Variants in HECTD4 observed in about 807,000 individuals in gnomAD.
The protein encoded by HECTD4 is probable E3 ubiquitin-protein ligase HECTD4.
HECTD4 carries 114 observed loss-of-function variants against 471.5 expected under a neutral mutation model. That is an observed-to-expected ratio of 0.24 (90% CI 0.21 to 0.28). The LOEUF is 0.28. HECTD4 is among the 10% of genes least tolerant of loss of function. The pLI, the probability that HECTD4 is intolerant of heterozygous loss-of-function variation, is 1.00. For synonymous variants in HECTD4, 2,012 were observed against 2,256.0 expected (o/e 0.89, Z 3.07); for missense variants, 3,866 against 5,651.5 (o/e 0.68, Z 10.13).
At chr12:112,191,980 T>C (rs2032094801) in intron 59 of HECTD4, among the ~76,000 whole-genome samples, 1 of 152,222 alleles carries the variant, frequency 6.6e-6, no homozygotes, top group South Asian at 2.1e-4. Flanking sequence ...TCCTTTCTTT[T>C]CTGTGCATAC....
chr12:112,196,013 G>A (rs941646008), intron 55 of HECTD4, among the ~76,000 whole-genome samples: 2 of 152,014 alleles, frequency 1.3e-5, no homozygotes, highest in Non-Finnish European at 2.9e-5. Flanking sequence ...AATAGAAATC[G>A]CCCTGTAGTC....
chr12:112,271,113 C>T (rs2034404578), intron 11 of HECTD4, among the ~76,000 whole-genome samples: 1 of 152,158 alleles, frequency 6.6e-6, no homozygotes, highest in Non-Finnish European at 1.5e-5. Flanking sequence ...AATTTACATT[C>T]CATAAAACTC....
chr12:112,329,061 C>G (rs1168413184), intron 1 of HECTD4, among the ~76,000 whole-genome samples: 1 of 152,134 alleles, frequency 6.6e-6, no homozygotes, highest in East Asian at 1.9e-4. Context: ...TTGTTGTGGC[C>G]CCTGCCCAGT....
At chr12:112,165,914 T>A (rs148207762) in intron 72 of HECTD4, among the ~76,000 whole-genome samples, 3 of 152,322 alleles carry the variant, frequency 2.0e-5, no homozygotes, top group Non-Finnish European at 4.4e-5. Context: ...CATTCGGGTC[T>A]AAGCCTGGAG....
At chr12:112,172,166 G>T (rs555319874) in intron 67 of HECTD4, among the ~76,000 whole-genome samples, 2 of 152,188 alleles carry the variant, frequency 1.3e-5, no homozygotes, top group Non-Finnish European at 2.9e-5. Flanking sequence ...GCCTCTCAAA[G>T]TGCTGGGATT....
chr12:112,170,572 C>G, intron 68 of HECTD4, 120 bp from the exon 69 acceptor site: 2 of 1,339,446 alleles, frequency 1.5e-6, no homozygotes, highest in Admixed American at 4.1e-5. Flanking sequence ...GGCAGTAGAG[C>G]CGGGCCCTGA....
At chr12:112,304,238 ATTTTTTT>A (rs760947859) in intron 7 of HECTD4, among the ~76,000 whole-genome samples, 5 of 104,380 alleles carry the variant, frequency 4.8e-5, no homozygotes, top group South Asian at 3.3e-4. Context: ...TAAAGACCTA[ATTTTTTT>A]TTTTTTTTTT....
At position 112,162,845 on chromosome 12, in the gene HECTD4, T is replaced by C; in HGVS notation, c.13120+197A>G. On this transcript the variant is annotated intron_variant, in intron 75 of 75. Coordinates refer to ENST00000682272, the MANE Select transcript of HECTD4 (RefSeq NM_001388303.1). This position sits in a 1 kb window ranked among gnomAD's most constrained non-coding sequence, Gnocchi z 5.2. ...AGCATTCTGGATTTTCAGCTTCTTTTAAGATATGAGAAAGTATCTAACAGC... is the reference window on the plus strand; with the variant it reads ...AGCATTCTGGATTTTCAGCTTCTTTCAAGATATGAGAAAGTATCTAACAGC... 1.8e-6 allele frequency: 1 copy of C among 566,862 alleles called. No individual in the cohort carries two copies. The highest frequency in any genetic ancestry group is 2.9e-5 in the East Asian group (1 of 34,602). 35.1% of individuals were successfully genotyped at this position (566,862 alleles called of 1,614,324 possible). A position where few individuals can be genotyped will look rare whatever the true frequency, so the allele number is the denominator to read the frequency against.
intron 1 of HECTD4, among the ~76,000 whole-genome samples, chr12:112,331,047 G>T (rs1272262107): frequency 6.6e-6 from 1 of 151,960 alleles, no homozygotes; most frequent in Non-Finnish European, 1.5e-5. Flanking sequence ...CCTAGGCATC[G>T]GTTTTTTTGT....
rs1291509675 is a variant in HECTD4 at position 112,319,535 on chromosome 12, G to A, written c.385C>T (p.Arg129Cys). Residue 129 changes from arginine (R) to cysteine (C), a missense_variant, in exon 2 of 76, where the codon CGC (arginine) becomes TGC (cysteine). Coordinates refer to ENST00000682272, the MANE Select transcript of HECTD4 (RefSeq NM_001388303.1). This position sits in a 1 kb window ranked among gnomAD's most constrained non-coding sequence, Gnocchi z 5.3. ...GDEETLALLK[R>C]QGLLQQPEQA... ...TCAGGTTGCTGCAACAAGCCCTGGC[G>A]TTTGAGCAGGGCCAAAGTTTCCTCA... 17 of 1,451,954 alleles carry A rather than the reference G, an allele frequency of 1.2e-5. No individual in the cohort carries two copies. The highest frequency in any genetic ancestry group is 5.2e-5 in the Admixed American group (2 of 38,164). 89.9% of individuals were successfully genotyped at this position (1,451,954 alleles called of 1,614,324 possible).
chr12:112,168,480 T>G (rs1304823835), intron 70 of HECTD4, among the ~76,000 whole-genome samples: 1 of 152,232 alleles, frequency 6.6e-6, no homozygotes, highest in African/African-American at 2.4e-5. Context: ...GGTTTTGTTG[T>G]AAATCTCCTC....
intron 60 of HECTD4, among the ~76,000 whole-genome samples, chr12:112,186,648 A>C (rs1391247167): frequency 7.0e-6 from 1 of 142,608 alleles, no homozygotes; most frequent in Non-Finnish European, 1.5e-5. Context: ...CTTCTTTAGT[A>C]ATTTTTTAAG....
chr12:112,329,168 C>G (rs1156321104), intron 1 of HECTD4, among the ~76,000 whole-genome samples: 1 of 152,120 alleles, frequency 6.6e-6, no homozygotes, highest in Non-Finnish European at 1.5e-5. Flanking sequence ...TAAATCCTAC[C>G]TTTCAAAATT....
At chr12:112,231,002 C>G (rs1264734149) in intron 39 of HECTD4, 180 bp from the exon 40 acceptor site, 1 of 593,178 alleles carries the variant, frequency 1.7e-6, no homozygotes. Context: ...GTGTCATATT[C>G]TTTGTGGTAT....
intron 1 of HECTD4, among the ~76,000 whole-genome samples, chr12:112,341,394 T>C (rs2036052094): frequency 6.6e-6 from 1 of 152,198 alleles, no homozygotes; most frequent in South Asian, 2.1e-4. Flanking sequence ...GGTTTGTAAC[T>C]GTTTGGCTGA....
At chr12:112,226,802 C>A in intron 43 of HECTD4, 44 bp from the exon 44 acceptor site, 2 of 1,425,292 alleles carry the variant, frequency 1.4e-6, no homozygotes, top group South Asian at 1.3e-5. Flanking sequence ...CATCAGTGTT[C>A]ATTGTCTAAA....
intron 60 of HECTD4, among the ~76,000 whole-genome samples, chr12:112,189,550 C>CAAAAAAAAAAAAAAAA (rs57209316): frequency 1.3e-4 from 4 of 30,464 alleles, no homozygotes; most frequent in Admixed American, 3.7e-4. Context: ...GACTCCGTCT[C>CAAAAAAAAAAAAAAAA]AAAAAAAAAA....
chr12:112,184,266 A>C lies in HECTD4; in HGVS notation c.10700T>G (p.Met3567Arg). 1 of 1,613,574 alleles carries C rather than the reference A, an allele frequency of 6.2e-7. No individual in the cohort carries two copies. Among genetic ancestry groups the C allele is most frequent in the Non-Finnish European group, 8.5e-7 (1 of 1,179,880 alleles). Residue 3567 changes from methionine to arginine, a missense_variant, in exon 61 of 76, where the codon ATG (methionine) becomes AGG (arginine). Coordinates refer to ENST00000682272, the MANE Select transcript of HECTD4 (RefSeq NM_001388303.1). The surrounding 1 kb of genome is among the most constrained non-coding windows in gnomAD (Gnocchi z 9.1). ...DNAETASVSD[M>R]GSMYTVTSLD... is the part of the protein sequence containing the mutation. ...GGAAGTGACTGTGTACATGGAGCCC[A>C]TGTCCGACACCGAGGCCGTCTCTGC...
At chr12:112,302,889 C>T (rs554331036) in intron 7 of HECTD4, among the ~76,000 whole-genome samples, 2 of 151,942 alleles carry the variant, frequency 1.3e-5, no homozygotes, top group East Asian at 3.9e-4. Flanking sequence ...ATCATTAGCA[C>T]TATTTTTTTA....
Sources: gnomAD v4.1 joint callset for allele counts (sites outside exome capture counted in the v4.1 genomes callset) on GRCh38, gnomAD v4.1.1 for gene constraint, Gnocchi (gnomAD v3.1) non-coding constraint, MANE v1.5 for transcripts, NCBI Gene and HGNC (gene_info 2026-07-23, HGNC 2026-07-21) for gene names.